Variants in ABCB11 observed in about 807,000 individuals in gnomAD.
ABCB11 encodes the protein bile salt export pump.
A neutral mutation model predicts 148.0 loss-of-function variants in ABCB11; 95 were observed. The ratio of observed to expected loss-of-function variants is 0.64; its 90% CI spans 0.54 to 0.76. The LOEUF is 0.76. Ranked by LOEUF, ABCB11 falls within the 30% of genes least tolerant of loss-of-function variation. ABCB11 has a pLI of 0.00. For synonymous variants in ABCB11, 591 were observed against 555.4 expected (o/e 1.06, Z -0.90); for missense variants, 1,523 against 1,617.8 (o/e 0.94, Z 1.01).
At chr2:168,944,565 A>G (rs1182004102) in intron 21 of ABCB11, 40 bp downstream of exon 21, 3 of 1,538,032 alleles carry the variant, frequency 2.0e-6, no homozygotes, top group Non-Finnish European at 2.6e-6. Context: ...AAGAATGCCA[A>G]TGCAGTTAAT....
In ABCB11 at chr2:168,979,762, C is replaced by T. The variant is rs924347362; in HGVS notation, c.1197+104G>A. ...TGCTGAATTAAGGGCCTTGCGATAG[C>T]TTCTTATATTTTTAACTTTAAGGTA... is the stretch of plus-strand genomic sequence containing the variant. On this transcript the variant is annotated intron_variant, in intron 11 of 27. Transcript: ENST00000650372. The T allele has an allele frequency of 9.5e-5, 48 of 504,324 alleles. 1 individual carries two copies. The highest frequency in any genetic ancestry group is 1.6e-4 in the Non-Finnish European group (45 of 286,056). The allele number at this position is 504,324 out of a possible 1,614,324, so 31.2% of individuals were successfully genotyped here.
chr2:168,946,017 T>C (rs753409340), intron 19 of ABCB11, among the ~76,000 whole-genome samples: 2 of 151,860 alleles, frequency 1.3e-5, no homozygotes, highest in Non-Finnish European at 2.9e-5. Context: ...CACTCAAACG[T>C]ATTCTGAATT....
chr2:168,973,564 A>G, intron 13 of ABCB11, 151 bp downstream of exon 13: 1 of 926,522 alleles, frequency 1.1e-6, no homozygotes, highest in Non-Finnish European at 1.6e-6. Context: ...CCATGTAGGA[A>G]GCGTGTCCCA....
Position 169,018,048 on chromosome 2 carries a change from A to C in ABCB11, c.76+2T>G, listed in dbSNP as rs1695417761. The C allele has an allele frequency of 6.2e-7, 1 of 1,611,958 alleles. No homozygotes were observed. The highest frequency in any genetic ancestry group is 8.5e-7 in the Non-Finnish European group (1 of 1,178,146). On this transcript the variant is annotated splice_donor_variant, in intron 2 of 27. Coordinates refer to ENST00000650372, the MANE Select transcript of ABCB11 (RefSeq NM_003742.4). LOFTEE classifies it high-confidence loss of function. ...ATGCAGTGAGGGAAAAAAGCCACTC[A>C]CATGATTTATCTGACTCAAAACCAT...
intron 19 of ABCB11, among the ~76,000 whole-genome samples, chr2:168,952,053 G>A (rs1692592732): frequency 6.6e-6 from 1 of 151,584 alleles, no homozygotes; most frequent in Non-Finnish European, 1.5e-5. Flanking sequence ...CTTTGCATAT[G>A]TTGAACCATC....
At chr2:168,946,739 A>T (rs183603795) in intron 19 of ABCB11, among the ~76,000 whole-genome samples, 15 of 151,858 alleles carry the variant, frequency 9.9e-5, no homozygotes, top group Admixed American at 6.6e-4. Context: ...TAAAGCCCCA[A>T]ACATCAAGTT....
At chr2:168,950,138 TATACAC>T (rs1223850152) in intron 19 of ABCB11, among the ~76,000 whole-genome samples, 124 of 102,428 alleles carry the variant, frequency 1.2e-3, no homozygotes, top group African/African-American at 3.5e-3. Context: ...CATATATATA[TATACAC>T]ACACACACAC....
Position 168,978,132 on chromosome 2 carries a change from C to CTTTT in ABCB11, c.1198-1449_1198-1446dup, listed in dbSNP as rs35964117. On this transcript the variant is annotated intron_variant, in intron 11 of 27. Coordinates refer to ENST00000650372, the MANE Select transcript of ABCB11 (RefSeq NM_003742.4). ...AAGAGGTAGAATTTGAATAAATTGA[C>CTTTT]TTTTTTTTTTTTTTTTTTTTTTTTT... Among the ~76,000 whole-genome samples the CTTTT allele has an allele frequency of 4.1e-4, 22 of 53,128 alleles. 3 individuals are homozygous for CTTTT. The highest frequency in any genetic ancestry group is 1.8e-3 in the African/African-American group (21 of 11,528). 34.9% of individuals were successfully genotyped at this position (53,128 alleles called of 152,430 possible). A position where few individuals can be genotyped will look rare whatever the true frequency, so the allele number is the denominator to read the frequency against.
intron 10 of ABCB11, among the ~76,000 whole-genome samples, chr2:168,980,454 C>T (rs904372867): frequency 2.0e-5 from 3 of 152,140 alleles, no homozygotes; most frequent in Non-Finnish European, 1.5e-5. Context: ...TATACTAATG[C>T]TACTATTCCA....
chr2:168,995,279 T>A, intron 7 of ABCB11, 70 bp downstream of exon 7: 1 of 1,496,736 alleles, frequency 6.7e-7, no homozygotes, highest in East Asian at 2.3e-5. Flanking sequence ...TAAATTTTTA[T>A]TTAATTTAGA....
At chr2:168,986,913 G>A (rs1227770827) in intron 9 of ABCB11, among the ~76,000 whole-genome samples, 1 of 152,128 alleles carries the variant, frequency 6.6e-6, no homozygotes, top group Non-Finnish European at 1.5e-5. Context: ...CAGGCATTCT[G>A]AAACTGCCTT....
chr2:169,013,144 C>A, intron 5 of ABCB11, 128 bp downstream of exon 5: 1 of 662,632 alleles, frequency 1.5e-6, no homozygotes, highest in East Asian at 2.6e-5. Context: ...TATGGGTAAA[C>A]TCATGTTTCT....
At chr2:168,927,114 A>C in intron 26 of ABCB11, 42 bp downstream of exon 26, 2 of 1,526,338 alleles carry the variant, frequency 1.3e-6, no homozygotes, top group Non-Finnish European at 1.8e-6. Context: ...ACTTCTCCCC[A>C]TCCTTGTCTC....
chr2:168,990,962 CA>C, intron 8 of ABCB11, 37 bp from the exon 9 acceptor site: 5 of 1,605,762 alleles, frequency 3.1e-6, no homozygotes, highest in Non-Finnish European at 4.3e-6. Flanking sequence ...ATGTGAAGTC[CA>C]AGAAATTAGG....
At chr2:169,021,613 G>C (rs868217552) in intron 1 of ABCB11, among the ~76,000 whole-genome samples, 69 of 151,898 alleles carry the variant, frequency 4.5e-4, no homozygotes, top group African/African-American at 1.4e-3. Context: ...TAAAAAATAA[G>C]TAATTTTATG....
intron 4 of ABCB11, among the ~76,000 whole-genome samples, chr2:169,013,988 C>T (rs562767426): frequency 5.1e-4 from 78 of 152,190 alleles, no homozygotes; most frequent in Non-Finnish European, 8.7e-4. Flanking sequence ...TTTAAAATTT[C>T]TAAAGATTTG....
At chr2:168,929,862 T>C (rs539486567) in intron 25 of ABCB11, among the ~76,000 whole-genome samples, 1 of 152,270 alleles carries the variant, frequency 6.6e-6, no homozygotes, top group African/African-American at 2.4e-5. Context: ...CTCTTGAGAA[T>C]AAATCACAGA....
chr2:168,986,326 C>T (rs1694324027), intron 9 of ABCB11, 42 bp from the exon 10 acceptor site: 1 of 1,547,300 alleles, frequency 6.5e-7, no homozygotes, highest in Non-Finnish European at 8.9e-7. Flanking sequence ...GCAGAAACAG[C>T]TCAAGTTATA....
intron 11 of ABCB11, among the ~76,000 whole-genome samples, chr2:168,978,974 C>T (rs962719181): frequency 6.6e-6 from 1 of 152,152 alleles, no homozygotes. Flanking sequence ...CCCACCTTGG[C>T]CTCCCAAAGT....
Sources: gnomAD v4.1 joint callset for allele counts (sites outside exome capture counted in the v4.1 genomes callset) on GRCh38, gnomAD v4.1.1 for gene constraint, MANE v1.5 for transcripts, NCBI Gene and HGNC (gene_info 2026-07-23, HGNC 2026-07-21) for gene names.